The following LRRC4C variants were observed in gnomAD, a reference collection of about 807,000 sequenced individuals.
LRRC4C encodes leucine-rich repeat-containing protein 4C.
In LRRC4C, 5 loss-of-function variants were observed where a neutral mutation model predicts 33.6. That is an observed-to-expected ratio of 0.15 (90% CI 0.08 to 0.31). The LOEUF is 0.31. Ranked by LOEUF, LRRC4C falls within the 10% of genes least tolerant of loss-of-function variation. The pLI is 1.00. For missense variants in LRRC4C, 560 were observed against 796.7 expected (o/e 0.70, Z 3.58); for synonymous variants, 329 against 302.0 (o/e 1.09, Z -0.93).
intron 3 of LRRC4C, among the ~76,000 whole-genome samples, chr11:40,625,373 A>G (rs543055554): frequency 6.6e-6 from 1 of 152,322 alleles, no homozygotes; most frequent in East Asian, 1.9e-4. Flanking sequence ...CCTCACTAAC[A>G]TAAGGGAAGG....
At chr11:41,272,502 G>A (rs73481764) in intron 1 of LRRC4C, among the ~76,000 whole-genome samples, 3,992 of 152,172 alleles carry the variant, frequency 0.026, 82 homozygotes, top group South Asian at 0.04. Context: ...CCACTACAGA[G>A]AAGAAAGTTA....
intron 3 of LRRC4C, among the ~76,000 whole-genome samples, chr11:40,439,757 A>G (rs967010921): frequency 6.6e-6 from 1 of 152,152 alleles, no homozygotes; most frequent in Non-Finnish European, 1.5e-5. Flanking sequence ...CGGCCCCTTT[A>G]TTCTTTAAAT....
At chr11:40,450,574 T>G (rs924582562) in intron 3 of LRRC4C, among the ~76,000 whole-genome samples, 1 of 151,930 alleles carries the variant, frequency 6.6e-6, no homozygotes, top group African/African-American at 2.4e-5. Flanking sequence ...TAAGTAGGAG[T>G]GTACTACTGT....
chr11:40,913,211 C>G (rs1234128062), intron 2 of LRRC4C, among the ~76,000 whole-genome samples: 1 of 152,170 alleles, frequency 6.6e-6, no homozygotes, highest in African/African-American at 2.4e-5. Flanking sequence ...TAGACATCTA[C>G]AGAACTCTCA....
At chr11:41,356,073 AAACAGAAAATTAATAGCTCCC>A (rs1302804296) in intron 1 of LRRC4C, among the ~76,000 whole-genome samples, 3 of 152,146 alleles carry the variant, frequency 2.0e-5, no homozygotes, top group Non-Finnish European at 2.9e-5. Context: ...CTGAAAATAT[AAACAGAAAATTAATAGCTCCC>A]AACAGTATGT....
intron 3 of LRRC4C, among the ~76,000 whole-genome samples, chr11:40,374,559 T>C (rs997149359): frequency 1.3e-5 from 2 of 152,128 alleles, no homozygotes; most frequent in African/African-American, 4.8e-5. Flanking sequence ...AAAACAAAGA[T>C]TTGGGGGAAG....
intron 1 of LRRC4C, among the ~76,000 whole-genome samples, chr11:41,332,046 A>C: frequency 6.6e-6 from 1 of 152,286 alleles, no homozygotes; most frequent in Middle Eastern, 3.4e-3. Flanking sequence ...TGTAAAATGT[A>C]AAATCCATTC....
At chr11:40,673,783 C>G (rs1944248862) in intron 2 of LRRC4C, among the ~76,000 whole-genome samples, 1 of 152,168 alleles carries the variant, frequency 6.6e-6, no homozygotes, top group South Asian at 2.1e-4. Context: ...AAGGATTCCA[C>G]AGGAAACTTT....
chr11:40,618,372 G>T (rs185610300), intron 3 of LRRC4C, among the ~76,000 whole-genome samples: 4 of 151,632 alleles, frequency 2.6e-5, no homozygotes, highest in Admixed American at 2.6e-4. Flanking sequence ...TAGGAGAAAG[G>T]CATGGGACAT....
At chr11:41,438,003 A>C in intron 1 of LRRC4C, among the ~76,000 whole-genome samples, 1 of 151,760 alleles carries the variant, frequency 6.6e-6, no homozygotes, top group African/African-American at 2.4e-5. Flanking sequence ...ACACTGTCAC[A>C]CTCCAGCCTG....
chr11:41,100,939 A>T (rs904745893), intron 1 of LRRC4C, among the ~76,000 whole-genome samples: 2 of 152,262 alleles, frequency 1.3e-5, no homozygotes, highest in African/African-American at 4.8e-5. Context: ...CAAGCAATGG[A>T]AAAAGGACTC....
chr11:41,198,343 A>T (rs1333398104), intron 1 of LRRC4C, among the ~76,000 whole-genome samples: 1 of 152,040 alleles, frequency 6.6e-6, no homozygotes, highest in African/African-American at 2.4e-5. Flanking sequence ...AGTTACCTAG[A>T]TTAAAAACAT....
At chr11:40,384,474 G>A (rs1379350814) in intron 3 of LRRC4C, among the ~76,000 whole-genome samples, 1 of 152,096 alleles carries the variant, frequency 6.6e-6, no homozygotes, top group African/African-American at 2.4e-5. Context: ...AATGAGTTTA[G>A]ACAGATTATA....
chr11:41,155,792 G>A (rs1340681569), intron 1 of LRRC4C, among the ~76,000 whole-genome samples: 8 of 151,976 alleles, frequency 5.3e-5, no homozygotes, highest in South Asian at 4.1e-4. Context: ...TCTCTTTTCC[G>A]CTTTGCTTCT....
intron 2 of LRRC4C, among the ~76,000 whole-genome samples, chr11:40,744,576 T>G (rs928827745): frequency 1.3e-5 from 2 of 152,152 alleles, no homozygotes; most frequent in Non-Finnish European, 2.9e-5. Context: ...AGCCATTCCA[T>G]CTGATTTTGC....
chr11:41,094,974 TA>T (rs1208856872), intron 1 of LRRC4C, among the ~76,000 whole-genome samples: 1 of 152,164 alleles, frequency 6.6e-6, no homozygotes, highest in African/African-American at 2.4e-5. Flanking sequence ...CTGAGTGCAT[TA>T]AAAAAATTTA....
At chr11:40,200,051 C>G (rs1201465879) in intron 5 of LRRC4C, among the ~76,000 whole-genome samples, 1 of 151,800 alleles carries the variant, frequency 6.6e-6, no homozygotes, top group Non-Finnish European at 1.5e-5. Flanking sequence ...TCAATTAAAA[C>G]TCTTAATACA....
At chr11:40,549,872 C>T (rs1957068892) in intron 3 of LRRC4C, among the ~76,000 whole-genome samples, 1 of 152,042 alleles carries the variant, frequency 6.6e-6, no homozygotes, top group South Asian at 2.1e-4. Flanking sequence ...CATTAGGTGA[C>T]ACATGGATGC....
chr11:40,427,961 T>G (rs1448763154), intron 3 of LRRC4C, among the ~76,000 whole-genome samples: 1 of 152,190 alleles, frequency 6.6e-6, no homozygotes, highest in Admixed American at 6.5e-5. Flanking sequence ...AATTATTAGA[T>G]TAAAAGAAAA....
Sources: gnomAD v4.1 joint callset for allele counts (sites outside exome capture counted in the v4.1 genomes callset) on GRCh38, gnomAD v4.1.1 for gene constraint, MANE v1.5 for transcripts, NCBI Gene and HGNC (gene_info 2026-07-23, HGNC 2026-07-21) for gene names.